The following PCDHAC2 variants were observed in gnomAD, a reference collection of about 807,000 sequenced individuals.
PCDHAC2 encodes the protein protocadherin alpha-C2.
Under a neutral mutation model 63.3 loss-of-function variants are expected in PCDHAC2, and 24 were observed. That is an observed-to-expected ratio of 0.38 (90% CI 0.27 to 0.53). PCDHAC2 has a LOEUF of 0.53. Among genes scored for constraint, PCDHAC2 ranks in the 20% least tolerant of loss-of-function variants. The probability of loss-of-function intolerance (pLI) is 0.81; values close to 1 mark genes in which losing one functional copy is unlikely to be tolerated. For synonymous variants in PCDHAC2, 569 were observed against 529.4 expected (o/e 1.07, Z -1.03); for missense variants, 1,181 against 1,275.2 (o/e 0.93, Z 1.12).
intron 1 of PCDHAC2, among the ~76,000 whole-genome samples, chr5:140,977,305 AC>A (rs1424604910): frequency 6.6e-6 from 1 of 152,258 alleles, no homozygotes; most frequent in African/African-American, 2.4e-5. Flanking sequence ...TGACAAGCTA[AC>A]GATAGTGCTC....
intron 1 of PCDHAC2, among the ~76,000 whole-genome samples, chr5:140,972,660 A>ATTT (rs11350929): frequency 1.0e-4 from 12 of 117,258 alleles, no homozygotes; most frequent in Non-Finnish European, 1.7e-4. Flanking sequence ...AAGAAACCAA[A>ATTT]TTTTTTTTTT....
chr5:140,993,033 T>C (rs1315226376), intron 3 of PCDHAC2, among the ~76,000 whole-genome samples: 2 of 152,158 alleles, frequency 1.3e-5, no homozygotes, highest in African/African-American at 4.8e-5. Context: ...GTGGGCTCCG[T>C]GTGTCATCAA....
At chr5:140,988,366 G>A (rs1384658783) in intron 3 of PCDHAC2, among the ~76,000 whole-genome samples, 2 of 152,122 alleles carry the variant, frequency 1.3e-5, no homozygotes, top group Non-Finnish European at 2.9e-5. Flanking sequence ...TTACTTTCTG[G>A]GGTTGTGAAA....
chr5:141,001,999 A>G (rs1554258445), intron 3 of PCDHAC2, among the ~76,000 whole-genome samples: 1 of 152,198 alleles, frequency 6.6e-6, no homozygotes, highest in African/African-American at 2.4e-5. Flanking sequence ...TTCACTTGCA[A>G]ACACAGAATC....
Position 140,966,541 on chromosome 5 carries a change from G to C in PCDHAC2, c.-226G>C, listed in dbSNP as rs2096018356. 3 of 462,844 alleles carry C rather than the reference G, an allele frequency of 6.5e-6. No individual in the cohort carries two copies. Among genetic ancestry groups the C allele is most frequent in the African/African-American group, 2.0e-5 (1 of 49,034 alleles). The allele number at this position is 462,844 out of a possible 1,614,324, so 28.7% of individuals were successfully genotyped here. ...GAAGCCGAGCCGGGTTGAGCGACTC[G>C]GAGGCGAGCGGAGGAGCTGGAATAT... On this transcript the variant is annotated 5_prime_UTR_variant, in exon 1 of 4. Transcript: ENST00000289269.
chr5:140,977,122 AG>A (rs2096747423), intron 1 of PCDHAC2, among the ~76,000 whole-genome samples: 1 of 152,226 alleles, frequency 6.6e-6, no homozygotes, highest in South Asian at 2.1e-4. Flanking sequence ...TAATGAACTG[AG>A]TTTCCTGGTC....
intron 2 of PCDHAC2, among the ~76,000 whole-genome samples, chr5:140,980,920 A>T (rs1040099192): frequency 1.3e-5 from 2 of 152,166 alleles, no homozygotes; most frequent in African/African-American, 4.8e-5. Context: ...TCTTTAAAAA[A>T]TTCTGCTTTG....
Position 140,968,849 on chromosome 5 carries a change from G to A in PCDHAC2, c.2083G>A (p.Val695Ile). The A allele has an allele frequency of 6.2e-7, 1 of 1,614,206 alleles. No individual in the cohort carries two copies. Among genetic ancestry groups the A allele is most frequent in the East Asian group, 2.2e-5 (1 of 44,892 alleles). The change falls in exon 1 of 4, where the codon GTT becomes ATT. Residue 695 changes from valine to isoleucine, a missense_variant. Physicochemically the swap from Val to Ile is conservative, Grantham distance 29. Coordinates refer to ENST00000289269, the MANE Select transcript of PCDHAC2 (RefSeq NM_018899.6). Reference protein sequence around the residue: ...SKILPDTQRHVKSPRTYSEIT... With the variant: ...SKILPDTQRHIKSPRTYSEIT... ...AATCCTCCCTGACACTCAGAGGCATGTTAAGAGCCCTCGGACATACTCTGA... is the reference window on the plus strand; with the variant it reads ...AATCCTCCCTGACACTCAGAGGCATATTAAGAGCCCTCGGACATACTCTGA...
intron 3 of PCDHAC2, among the ~76,000 whole-genome samples, chr5:140,984,667 T>A (rs1554246463): frequency 6.6e-6 from 1 of 152,160 alleles, no homozygotes; most frequent in Non-Finnish European, 1.5e-5. Flanking sequence ...TACTTTTAGG[T>A]TTTTAGGACT....
chr5:140,992,847 A>G (rs183404145), intron 3 of PCDHAC2, among the ~76,000 whole-genome samples: 1 of 152,264 alleles, frequency 6.6e-6, no homozygotes, highest in East Asian at 1.9e-4. Flanking sequence ...TTGTATAACA[A>G]CCAGTTTCAC....
intron 3 of PCDHAC2, among the ~76,000 whole-genome samples, chr5:141,007,519 T>A (rs1554261363): frequency 6.6e-6 from 1 of 151,934 alleles, no homozygotes; most frequent in African/African-American, 2.4e-5. Context: ...AGTGAGCTGA[T>A]ATCTCGCCAC....
intron 3 of PCDHAC2, among the ~76,000 whole-genome samples, chr5:140,990,715 A>T (rs927680875): frequency 1.3e-5 from 2 of 152,194 alleles, no homozygotes; most frequent in Admixed American, 6.5e-5. Flanking sequence ...GGATAAGAGC[A>T]TCACTAGGTA....
Position 140,966,998 on chromosome 5 carries a change from C to G in PCDHAC2, c.232C>G (p.Arg78Gly). 6.2e-7 allele frequency: 1 copy of G among 1,604,774 alleles called. No homozygotes were observed. Residue 78 changes from arginine (R) to glycine (G), a missense_variant, in exon 1 of 4, where the codon CGC becomes GGC. Coordinates refer to ENST00000289269, the MANE Select transcript of PCDHAC2 (RefSeq NM_018899.6). ...ELRRLGPGCL[R>G]INHLGAPSPR... ...GCGGCGCTTGGGGCCGGGTTGCTTG[C>G]GCATCAACCATCTGGGTGCGCCCAG... is the stretch of plus-strand genomic sequence containing the variant.
chr5:140,980,749 G>A (rs1388943582), intron 2 of PCDHAC2, among the ~76,000 whole-genome samples: 1 of 151,942 alleles, frequency 6.6e-6, no homozygotes, highest in Non-Finnish European at 1.5e-5. Flanking sequence ...TTTGAGTAGG[G>A]TAAGAAATAA....
chr5:140,976,383 T>G (rs963492291), intron 1 of PCDHAC2, among the ~76,000 whole-genome samples: 4 of 152,058 alleles, frequency 2.6e-5, no homozygotes, highest in African/African-American at 9.7e-5. Context: ...AAACCCCATC[T>G]CTACTAAAAA....
At chr5:140,997,727 C>G (rs2097783097) in intron 3 of PCDHAC2, among the ~76,000 whole-genome samples, 1 of 151,244 alleles carries the variant, frequency 6.6e-6, no homozygotes, top group Admixed American at 6.6e-5. Flanking sequence ...TACGTCAGTA[C>G]ATATAGATTT....
intron 3 of PCDHAC2, among the ~76,000 whole-genome samples, chr5:141,007,690 C>T (rs2098341020): frequency 6.6e-6 from 1 of 152,224 alleles, no homozygotes; most frequent in Non-Finnish European, 1.5e-5. Flanking sequence ...CCTACTTCCA[C>T]CTCCCTCCTC....
At chr5:140,981,824 C>T (rs1350256595) in intron 2 of PCDHAC2, among the ~76,000 whole-genome samples, 4 of 152,108 alleles carry the variant, frequency 2.6e-5, no homozygotes, top group African/African-American at 7.2e-5. Flanking sequence ...CTCTGCTTGC[C>T]TCTAAAGGTC....
chr5:141,003,017 G>T (rs1398844749), intron 3 of PCDHAC2, among the ~76,000 whole-genome samples: 1 of 152,240 alleles, frequency 6.6e-6, no homozygotes, highest in Non-Finnish European at 1.5e-5. Flanking sequence ...GGGAAAGTCA[G>T]TGTAAATCAG....
Sources: gnomAD v4.1 joint callset for allele counts (sites outside exome capture counted in the v4.1 genomes callset) on GRCh38, gnomAD v4.1.1 for gene constraint, MANE v1.5 for transcripts, NCBI Gene and HGNC (gene_info 2026-07-23, HGNC 2026-07-21) for gene names.